TAFA2: variants seen among roughly 807,000 people sequenced by gnomAD.
TAFA2 encodes TAFA chemokine like family member 2, also known as chemokine-like protein TAFA-2.
A neutral mutation model predicts 18.8 loss-of-function variants in TAFA2; 7 were observed. That is an observed-to-expected ratio of 0.37 (90% CI 0.21 to 0.70). TAFA2 has a LOEUF of 0.70. Ranked by LOEUF, TAFA2 falls within the 30% of genes least tolerant of loss-of-function variation. The probability of loss-of-function intolerance (pLI) is 0.53; values close to 1 mark genes in which losing one functional copy is unlikely to be tolerated. For synonymous variants in TAFA2, 60 were observed against 54.2 expected (o/e 1.11, Z -0.47); for missense variants, 122 against 158.1 (o/e 0.77, Z 1.23).
chr12:61,997,022 A>G (rs1467891908), intron 1 of TAFA2, among the ~76,000 whole-genome samples: 1 of 152,166 alleles, frequency 6.6e-6, no homozygotes, highest in Non-Finnish European at 1.5e-5. Context: ...TTCTAGAAAT[A>G]TATCAGTGGA....
chr12:62,067,415 C>CTTTTAGTATGTTCTTTTCTTTTAG (rs1882518890), intron 1 of TAFA2, among the ~76,000 whole-genome samples: 2 of 151,972 alleles, frequency 1.3e-5, no homozygotes, highest in Non-Finnish European at 2.9e-5. Flanking sequence ...AGAGTTTCCC[C>CTTTTAGTATGTTCTTTTCTTTTAG]TATGTTTTCT....
chr12:61,793,945 T>C (rs1187060110), intron 2 of TAFA2, among the ~76,000 whole-genome samples: 1 of 151,918 alleles, frequency 6.6e-6, no homozygotes, highest in Admixed American at 6.6e-5. Flanking sequence ...CTGAAAAACA[T>C]ATCTAATGAG....
intron 1 of TAFA2, chr12:61,879,553 G>T: frequency 1.4e-6 from 1 of 734,078 alleles, no homozygotes; most frequent in Non-Finnish European, 2.5e-6. Flanking sequence ...CCTTAACCTG[G>T]AGGTGGACCC....
chr12:61,996,867 A>G (rs975171210), intron 1 of TAFA2, among the ~76,000 whole-genome samples: 2 of 152,180 alleles, frequency 1.3e-5, no homozygotes, highest in African/African-American at 4.8e-5. Flanking sequence ...AAATTTCTGA[A>G]TCCAAAGCAT....
chr12:61,793,202 T>G (rs997470630), intron 2 of TAFA2, among the ~76,000 whole-genome samples: 1 of 151,038 alleles, frequency 6.6e-6, no homozygotes, highest in African/African-American at 2.4e-5. Context: ...TAAGAAACTG[T>G]AAAAAGGGGA....
At chr12:61,999,938 C>T (rs747465756) in intron 1 of TAFA2, among the ~76,000 whole-genome samples, 1 of 152,082 alleles carries the variant, frequency 6.6e-6, no homozygotes, top group Non-Finnish European at 1.5e-5. Flanking sequence ...TTCCTCCCTA[C>T]TTGTTGATAT....
chr12:61,844,553 T>C (rs1041016003), intron 2 of TAFA2, among the ~76,000 whole-genome samples: 2 of 152,128 alleles, frequency 1.3e-5, no homozygotes, highest in African/African-American at 4.8e-5. Flanking sequence ...ATCATTTTTA[T>C]AGGAATTAGG....
At chr12:61,885,981 G>A (rs1331724836) in intron 1 of TAFA2, among the ~76,000 whole-genome samples, 1 of 152,082 alleles carries the variant, frequency 6.6e-6, no homozygotes, top group East Asian at 1.9e-4. Context: ...TCCATCACAA[G>A]AACCAATCAG....
intron 3 of TAFA2, 30 bp downstream of exon 3, chr12:61,754,842 T>C: frequency 6.2e-7 from 1 of 1,609,758 alleles, no homozygotes; most frequent in Non-Finnish European, 8.5e-7. Flanking sequence ...TTGGCTGTGC[T>C]GTTACAATAA....
At chr12:62,062,025 T>C (rs1222235396) in intron 1 of TAFA2, among the ~76,000 whole-genome samples, 2 of 151,954 alleles carry the variant, frequency 1.3e-5, no homozygotes, top group African/African-American at 4.8e-5. Flanking sequence ...AATACAAAAA[T>C]TAGCCAGGTG....
At chr12:62,235,347 C>T (rs1163858798) in intron 1 of TAFA2, 6 of 656,140 alleles carry the variant, frequency 9.1e-6, no homozygotes, top group African/African-American at 1.8e-5. Flanking sequence ...GTGCTGAATG[C>T]TTGGTAGGCC....
chr12:62,144,107 T>G (rs1231913895), intron 1 of TAFA2, among the ~76,000 whole-genome samples: 1 of 147,918 alleles, frequency 6.8e-6, no homozygotes, highest in African/African-American at 2.5e-5. Context: ...ATAGAGTTGA[T>G]AGTTTTCCTT....
intron 2 of TAFA2, among the ~76,000 whole-genome samples, chr12:61,832,524 C>T (rs1451637731): frequency 1.3e-5 from 2 of 152,068 alleles, no homozygotes; most frequent in African/African-American, 2.4e-5. Context: ...AAGCCACCCC[C>T]ACTAGGCTTT....
rs372632765 is a variant in TAFA2 at position 61,833,220 on chromosome 12, C to T, written c.106+34100G>A. ...GAAATAACATGTCATGAACCAGAAC[C>T]ATGAATTTAAAGTGAGACAAAGCAT... On this transcript the variant is annotated intron_variant, in intron 2 of 4. Coordinates refer to ENST00000416284, the MANE Select transcript of TAFA2 (RefSeq NM_178539.5). 4.6e-5 allele frequency among the ~76,000 whole-genome samples: 7 copies of T among 151,548 alleles called. No individual in the cohort carries two copies. The East Asian group carries it at 7.8e-4, about 17-fold the overall frequency.
At chr12:62,200,172 T>C (rs898983990) in intron 1 of TAFA2, among the ~76,000 whole-genome samples, 1 of 152,198 alleles carries the variant, frequency 6.6e-6, no homozygotes, top group African/African-American at 2.4e-5. Context: ...GTCAGATGGA[T>C]AGACTGCAAA....
chr12:62,252,027 T>C (rs984349790), intron 1 of TAFA2: 6 of 152,236 alleles, frequency 3.9e-5, no homozygotes, highest in Non-Finnish European at 7.3e-5. Context: ...GCGAGATACA[T>C]AGATTCCATT....
intron 4 of TAFA2, among the ~76,000 whole-genome samples, chr12:61,715,748 C>CA (rs10706280): frequency 0.02 from 2,733 of 139,640 alleles, 51 homozygotes; most frequent in Middle Eastern, 0.039. Context: ...CAAGACTCTA[C>CA]AAAAAAAAAA....
chr12:61,927,023 C>T (rs993052171), intron 1 of TAFA2, among the ~76,000 whole-genome samples: 16 of 143,704 alleles, frequency 1.1e-4, no homozygotes, highest in African/African-American at 2.6e-4. Context: ...TGCAGTAAGC[C>T]GAGATCGCAC....
Position 62,142,873 on chromosome 12 carries a change from T to C in TAFA2, c.-2+48386A>G, listed in dbSNP as rs564340562. ...TTTGCTGGGCAATGTTTTAACCACC[T>C]GGTGCAGATTAACATCTTTAATCCT... is the stretch of plus-strand genomic sequence containing the variant. On this transcript the variant is annotated intron_variant, in intron 1 of 4. Coordinates refer to ENST00000416284, the MANE Select transcript of TAFA2 (RefSeq NM_178539.5). Among the ~76,000 whole-genome samples the C allele has an allele frequency of 2.0e-5, 3 of 152,344 alleles. No homozygotes were observed. The East Asian group carries it at 5.8e-4, about 29-fold the overall frequency.
Sources: gnomAD v4.1 joint callset for allele counts (sites outside exome capture counted in the v4.1 genomes callset) on GRCh38, gnomAD v4.1.1 for gene constraint, MANE v1.5 for transcripts, NCBI Gene and HGNC (gene_info 2026-07-23, HGNC 2026-07-21) for gene names.